Variants in KDM4C observed in about 807,000 individuals in gnomAD.
KDM4C encodes the protein lysine demethylase 4C.
In KDM4C, 81 loss-of-function variants were observed where a neutral mutation model predicts 129.3. The ratio of observed to expected loss-of-function variants is 0.63; its 90% confidence interval spans 0.52 to 0.75. The LOEUF (loss-of-function observed/expected upper bound fraction) is 0.75, where lower values mean the gene tolerates loss of function less well. KDM4C is among the 30% of genes least tolerant of loss of function. The pLI is 0.00. For synonymous variants in KDM4C, 573 were observed against 456.1 expected (o/e 1.26, Z -3.26); for missense variants, 1,457 against 1,304.0 (o/e 1.12, Z -1.81).
intron 4 of KDM4C, among the ~76,000 whole-genome samples, chr9:6,838,123 C>T (rs754089469): frequency 2.6e-5 from 4 of 152,134 alleles, no homozygotes; most frequent in Admixed American, 6.5e-5. Flanking sequence ...TCTAGGAGTT[C>T]ACCTCTCCTT....
intron 19 of KDM4C, among the ~76,000 whole-genome samples, chr9:7,156,107 T>C (rs1489440399): frequency 6.6e-6 from 1 of 152,236 alleles, no homozygotes; most frequent in Non-Finnish European, 1.5e-5. Flanking sequence ...TGATGACCAG[T>C]CATGATGAGC....
At chr9:6,980,841 A>T (rs1816644659) in intron 8 of KDM4C, 84 bp from the exon 9 acceptor site, 1 of 1,151,886 alleles carries the variant, frequency 8.7e-7, no homozygotes, top group African/African-American at 1.6e-5. Context: ...CTAAGTATTC[A>T]TGGATGATGT....
At chr9:6,880,394 T>A (rs1844252956) in intron 6 of KDM4C, among the ~76,000 whole-genome samples, 1 of 152,074 alleles carries the variant, frequency 6.6e-6, no homozygotes, top group Non-Finnish European at 1.5e-5. Context: ...TGCCAATAAT[T>A]TTTTTTTAAA....
chr9:6,853,677 G>C (rs1428929451), intron 5 of KDM4C, among the ~76,000 whole-genome samples: 1 of 152,180 alleles, frequency 6.6e-6, no homozygotes, highest in Non-Finnish European at 1.5e-5. Context: ...TGATTTATTT[G>C]AACATTTCTG....
At chr9:6,940,017 CCTTCCTTCCTTCCTTCTTTCCT>C in intron 8 of KDM4C, among the ~76,000 whole-genome samples, 8 of 133,354 alleles carry the variant, frequency 6.0e-5, no homozygotes, top group African/African-American at 2.3e-4. Context: ...TTCCTTCCTT[CCTTCCTTCCTTCCTTCTTTCCT>C]TCCTTCCCTC....
chr9:6,941,350 C>A (rs1284482212), intron 8 of KDM4C, among the ~76,000 whole-genome samples: 1 of 152,118 alleles, frequency 6.6e-6, no homozygotes, highest in Non-Finnish European at 1.5e-5. Flanking sequence ...TGTCTGTTTA[C>A]ATTTGCCCAC....
chr9:7,073,704 G>A (rs1428963541), intron 17 of KDM4C, among the ~76,000 whole-genome samples: 2 of 152,230 alleles, frequency 1.3e-5, no homozygotes, highest in Non-Finnish European at 2.9e-5. Context: ...GATATAGGCT[G>A]CAGGTGAATG....
intron 1 of KDM4C, among the ~76,000 whole-genome samples, chr9:6,746,194 GT>G (rs1468722871): frequency 2.0e-5 from 3 of 150,876 alleles, no homozygotes; most frequent in African/African-American, 7.3e-5. Context: ...GCCCACCTCG[GT>G]CTCCCAGAGT....
chr9:6,896,490 A>ATATATAT (rs1563775782), intron 8 of KDM4C, among the ~76,000 whole-genome samples: 1 of 149,462 alleles, frequency 6.7e-6, no homozygotes, highest in Admixed American at 6.6e-5. Flanking sequence ...TATATATATA[A>ATATATAT]AAATATAATT....
intron 1 of KDM4C, among the ~76,000 whole-genome samples, chr9:6,766,986 T>G (rs549667792): frequency 4.6e-5 from 7 of 152,304 alleles, no homozygotes; most frequent in African/African-American, 1.7e-4. Flanking sequence ...CTTTGTCTGA[T>G]CATTAGTATA....
intron 4 of KDM4C, among the ~76,000 whole-genome samples, chr9:6,821,535 G>A (rs1319693356): frequency 6.6e-6 from 1 of 152,166 alleles, no homozygotes. Context: ...AGAAGCGCCT[G>A]TTCATATCCT....
chr9:6,746,436 T>A (rs1435947250), intron 1 of KDM4C, among the ~76,000 whole-genome samples: 7 of 149,226 alleles, frequency 4.7e-5, no homozygotes, highest in African/African-American at 1.7e-4. Flanking sequence ...GCCCGGCTAA[T>A]TTTTGTATTT....
At chr9:6,802,076 G>A (rs915944834) in intron 2 of KDM4C, among the ~76,000 whole-genome samples, 9 of 150,176 alleles carry the variant, frequency 6.0e-5, no homozygotes, top group Non-Finnish European at 1.2e-4. Context: ...TTGCACTCCA[G>A]CCTGGGGAAC....
upstream of KDM4C, among the ~76,000 whole-genome samples, chr9:6,754,093 C>T (rs1337180739): frequency 6.6e-6 from 1 of 151,854 alleles, no homozygotes; most frequent in Non-Finnish European, 1.5e-5. Context: ...CCAGGATGGT[C>T]TCGATCTCCT....
chr9:6,903,634 T>C (rs1817781727), intron 8 of KDM4C, among the ~76,000 whole-genome samples: 1 of 152,200 alleles, frequency 6.6e-6, no homozygotes, highest in South Asian at 2.1e-4. Flanking sequence ...AAATGTCCAA[T>C]GATATAGGAA....
chr9:6,797,056 G>A (rs13291822), intron 2 of KDM4C, among the ~76,000 whole-genome samples: 14,518 of 150,828 alleles, frequency 0.096, 764 homozygotes, highest in Middle Eastern at 0.14. Context: ...GTGGCTCACT[G>A]CAGCCTTGAC....
At position 6,984,368 on chromosome 9, in the gene KDM4C, G is replaced by A. The variant is rs368350253; in HGVS notation, c.1318G>A (p.Val440Met). The stretch of plus-strand genomic sequence containing the variant: ...AGAGTCATCTGCTAGCAGGATGCAG[G>A]TGGAGCAGAATTTATCAGATCATAT... ...EEESSASRMQ[V>M]EQNLSDHIKL... The change falls in exon 10 of 22, where the codon GTG (valine) becomes ATG (methionine). Residue 440 changes from valine (V) to methionine (M), a missense_variant. By Grantham distance (21) the Val-to-Met change is conservative. Transcript: ENST00000381309. The A allele has an allele frequency of 6.2e-7, 1 of 1,613,700 alleles. No individual in the cohort carries two copies. The highest frequency in any genetic ancestry group is 8.5e-7 in the Non-Finnish European group (1 of 1,179,636).
chr9:7,047,050 A>G, intron 16 of KDM4C, 133 bp downstream of exon 16: 1 of 647,060 alleles, frequency 1.5e-6, no homozygotes, highest in Non-Finnish European at 2.7e-6. Flanking sequence ...CTGAGGTTGG[A>G]ATTCTGTGCT....
chr9:6,777,714 C>CTCCA (rs1823389602), intron 1 of KDM4C, among the ~76,000 whole-genome samples: 1 of 152,044 alleles, frequency 6.6e-6, no homozygotes, highest in Non-Finnish European at 1.5e-5. Flanking sequence ...TCACCGCAAC[C>CTCCA]TCCACCTGCT....
Sources: allele counts gnomAD v4.1 joint callset (sites outside exome capture counted in the v4.1 genomes callset), GRCh38; gene constraint gnomAD v4.1.1; transcripts MANE v1.5; gene names NCBI Gene and HGNC (gene_info 2026-07-23, HGNC 2026-07-21).